The following TRPM3 variants were observed in gnomAD, a reference collection of about 807,000 sequenced individuals.
TRPM3 encodes long transient receptor potential channel 3.
Under a neutral mutation model 181.2 loss-of-function variants are expected in TRPM3, and 77 were observed. The observed-to-expected ratio is 0.42, with a 90% CI of 0.35 to 0.51. The LOEUF is 0.51. Ranked by LOEUF, TRPM3 falls within the 20% of genes least tolerant of loss-of-function variation. The pLI is 0.01. For missense variants in TRPM3, 1,759 were observed against 2,196.7 expected (o/e 0.80, Z 3.98); for synonymous variants, 745 against 796.4 (o/e 0.94, Z 1.09).
intron 1 of TRPM3, among the ~76,000 whole-genome samples, chr9:71,106,569 T>C (rs2134138715): frequency 6.6e-6 from 1 of 152,266 alleles, no homozygotes; most frequent in Non-Finnish European, 1.5e-5. Context: ...CTATATAGCC[T>C]GCAGAACCAT....
intron 7 of TRPM3, among the ~76,000 whole-genome samples, chr9:70,772,855 T>C (rs1038058836): frequency 6.6e-6 from 1 of 152,226 alleles, no homozygotes; most frequent in African/African-American, 2.4e-5. Context: ...GTGGATTCTC[T>C]GCTGCCAACA....
chr9:71,341,456 A>G (rs1469863175), intron 1 of TRPM3, among the ~76,000 whole-genome samples: 1 of 152,118 alleles, frequency 6.6e-6, no homozygotes, highest in Non-Finnish European at 1.5e-5. Flanking sequence ...ATCTTTTCCG[A>G]TAATGCACCA....
rs371660914 is a variant in TRPM3, at chr9:70,861,030, C to G, written c.462+1878G>C. On this transcript the variant is annotated intron_variant, in intron 3 of 25. Transcript: ENST00000677713. ...CTAAATCCACAATCTACATTCTTCG[C>G]TTCTAACCTCCTAATACTGATACTT... Among the ~76,000 whole-genome samples, 7 of 152,136 alleles carry G rather than the reference C, an allele frequency of 4.6e-5. No homozygotes were observed. In the South Asian group the frequency reaches 1.2e-3, roughly 27 times the overall value.
chr9:70,867,005 T>G (rs2095663588), intron 1 of TRPM3, among the ~76,000 whole-genome samples: 1 of 152,026 alleles, frequency 6.6e-6, no homozygotes, highest in Non-Finnish European at 1.5e-5. Flanking sequence ...AATACCCTTG[T>G]TATGGGCAGT....
chr9:70,777,139 A>T (rs1216315382), intron 7 of TRPM3, among the ~76,000 whole-genome samples: 1 of 152,168 alleles, frequency 6.6e-6, no homozygotes, highest in Admixed American at 6.6e-5. Context: ...GCATTGATGC[A>T]CTTTCTGAAA....
chr9:70,910,937 C>A (rs1323823749), intron 1 of TRPM3, among the ~76,000 whole-genome samples: 1 of 152,194 alleles, frequency 6.6e-6, no homozygotes, highest in Non-Finnish European at 1.5e-5. Flanking sequence ...TTGAAGTTCA[C>A]ATACCTTGAC....
intron 1 of TRPM3, among the ~76,000 whole-genome samples, chr9:71,256,564 TA>T (rs554010351): frequency 1.6e-3 from 238 of 152,144 alleles, no homozygotes; most frequent in African/African-American, 5.4e-3. Flanking sequence ...GAGGAAGCTT[TA>T]AAAAGGTGAT....
intron 1 of TRPM3, among the ~76,000 whole-genome samples, chr9:70,952,662 G>T (rs904731685): frequency 6.6e-6 from 1 of 152,130 alleles, no homozygotes; most frequent in Non-Finnish European, 1.5e-5. Flanking sequence ...GCGAAAAATT[G>T]GAAGTTTGAC....
chr9:70,843,010 C>T lies in TRPM3; in HGVS notation c.794G>A (p.Gly265Glu), dbSNP rs1165875429. 6.2e-7 allele frequency: 1 copy of T among 1,613,684 alleles called. No homozygotes were observed. Among genetic ancestry groups the T allele is most frequent in the Non-Finnish European group, 8.5e-7 (1 of 1,179,842 alleles). Reference sequence around the variant, plus strand: ...ACAGCACTCAGGACTTACATCTCTTCCAATGAGGTCCTCCTGGTTTTCCAC... The same window carrying T: ...ACAGCACTCAGGACTTACATCTCTTTCAATGAGGTCCTCCTGGTTTTCCAC... ...GIVENQEDLI[G>E]RDVVRPYQTM... is the part of the protein sequence containing the mutation. The change falls in exon 5 of 26, where the codon GGA becomes GAA. Residue 265 changes from glycine (G) to glutamate (E), a missense_variant. Gly to Glu is a moderately conservative substitution (Grantham distance 98, BLOSUM62 -2). Coordinates refer to ENST00000677713, the MANE Select transcript of TRPM3 (RefSeq NM_001366145.2).
In TRPM3 at chr9:70,536,376, G is replaced by T; in HGVS notation, c.4737C>A (p.Ala1579=). The change falls in exon 26 of 26, where the codon GCC becomes GCA. Residue 1579 remains alanine, a synonymous_variant. Transcript: ENST00000677713. ...CTTTGTCTCCAAGACCTCCAGGGAA[G>T]GCAGCTCTGTCCGCAATTGCTTGAG... is the stretch of plus-strand genomic sequence containing the variant. ...NAPQAIADRA[A]FPGGLGDKVE... 1 of 1,614,100 alleles carries T rather than the reference G, an allele frequency of 6.2e-7. No homozygotes were observed. Among genetic ancestry groups the T allele is most frequent in the East Asian group, 2.2e-5 (1 of 44,854 alleles).
intron 1 of TRPM3, among the ~76,000 whole-genome samples, chr9:71,157,090 T>C (rs2076042951): frequency 6.6e-6 from 1 of 152,164 alleles, no homozygotes; most frequent in Non-Finnish European, 1.5e-5. Flanking sequence ...TCCCTGACTG[T>C]AATGATCCAC....
intron 16 of TRPM3, among the ~76,000 whole-genome samples, chr9:70,619,406 C>T (rs201723294): frequency 4.9e-5 from 4 of 81,440 alleles, no homozygotes; most frequent in Non-Finnish European, 6.6e-5. Flanking sequence ...TCGTCGTCTT[C>T]TTTTTTTTTT....
chr9:71,241,835 G>A (rs1238345622), intron 1 of TRPM3, among the ~76,000 whole-genome samples: 1 of 152,114 alleles, frequency 6.6e-6, no homozygotes, highest in African/African-American at 2.4e-5. Context: ...ACAATGAAAG[G>A]TTTAAGAGAT....
intron 1 of TRPM3, among the ~76,000 whole-genome samples, chr9:71,177,386 T>C (rs966699533): frequency 1.3e-5 from 2 of 152,082 alleles, no homozygotes; most frequent in African/African-American, 2.4e-5. Flanking sequence ...GGAAAAATTG[T>C]CTCCCACTAA....
At chr9:71,129,148 T>C (rs778438535) in intron 1 of TRPM3, among the ~76,000 whole-genome samples, 4 of 152,226 alleles carry the variant, frequency 2.6e-5, no homozygotes, top group Non-Finnish European at 5.9e-5. Context: ...ACATTGTTGA[T>C]ATTTATTCTG....
intron 1 of TRPM3, among the ~76,000 whole-genome samples, chr9:71,431,223 C>T (rs2093949494): frequency 6.6e-6 from 1 of 152,014 alleles, no homozygotes; most frequent in Non-Finnish European, 1.5e-5. Context: ...AACAAGTGTT[C>T]CGTAAGTTTC....
chr9:70,656,707 A>G (rs2060389787), intron 9 of TRPM3, among the ~76,000 whole-genome samples: 1 of 152,206 alleles, frequency 6.6e-6, no homozygotes, highest in Non-Finnish European at 1.5e-5. Flanking sequence ...TGTAATTTAG[A>G]ATCTAAAGTT....
At chr9:70,688,181 A>G (rs2067483266) in intron 8 of TRPM3, among the ~76,000 whole-genome samples, 1 of 152,126 alleles carries the variant, frequency 6.6e-6, no homozygotes, top group Admixed American at 6.6e-5. Flanking sequence ...TCCATGCCTG[A>G]TTATATCACT....
intron 1 of TRPM3, among the ~76,000 whole-genome samples, chr9:70,952,881 C>T (rs907116480): frequency 2.6e-4 from 40 of 152,008 alleles, no homozygotes; most frequent in African/African-American, 5.8e-4. Flanking sequence ...CACAGGGAAG[C>T]GACAAAATTG....
Sources: gnomAD v4.1 joint callset for allele counts (sites outside exome capture counted in the v4.1 genomes callset) on GRCh38, gnomAD v4.1.1 for gene constraint, MANE v1.5 for transcripts, NCBI Gene and HGNC (gene_info 2026-07-23, HGNC 2026-07-21) for gene names.